The following SCML4 variants were observed in gnomAD, a reference collection of about 807,000 sequenced individuals.
SCML4 encodes the protein sex comb on midleg-like protein 4.
In SCML4, 34 loss-of-function variants were observed where a neutral mutation model predicts 41.1. That is an observed-to-expected ratio of 0.83 (90% CI 0.63 to 1.10). The LOEUF is 1.10. Among genes scored for constraint, SCML4 ranks in the 50% least tolerant of loss-of-function variants. The probability of loss-of-function intolerance (pLI) is 0.00; values close to 1 mark genes in which losing one functional copy is unlikely to be tolerated. For synonymous variants in SCML4, 214 were observed against 220.9 expected, an observed-to-expected ratio of 0.97 and a Z score of 0.28; for missense variants, 522 against 534.1, an observed-to-expected ratio of 0.98 and a Z score of 0.22.
At chr6:107,831,066 A>T in the SCML4 span, among the ~76,000 whole-genome samples, 2 of 152,186 alleles carry the variant, frequency 1.3e-5, no homozygotes, top group South Asian at 2.1e-4. Context: ...ACTTCAAATA[A>T]AGTAATGAAT....
chr6:107,835,365 A>C, the SCML4 span, among the ~76,000 whole-genome samples: 1 of 152,186 alleles, frequency 6.6e-6, no homozygotes, highest in Non-Finnish European at 1.5e-5. Context: ...TGTCTCAAAA[A>C]TAAATAAATA....
At chr6:107,806,899 C>T (rs956704308) in intron 1 of SCML4, among the ~76,000 whole-genome samples, 6 of 152,218 alleles carry the variant, frequency 3.9e-5, no homozygotes, top group African/African-American at 1.2e-4. Flanking sequence ...GGCCCCACCC[C>T]ATGAGAATGA....
At chr6:107,751,627 TTTCTTTCTTTCTTTCTTTC>T (rs1408425903) in intron 2 of SCML4, among the ~76,000 whole-genome samples, 64 of 149,046 alleles carry the variant, frequency 4.3e-4, no homozygotes, top group African/African-American at 1.5e-3. Context: ...TCTTTCTTTC[TTTCTTTCTTTCTTTCTTTC>T]TTTTTTGAGA....
chr6:107,791,276 G>C (rs1169821794), intron 1 of SCML4, among the ~76,000 whole-genome samples: 1 of 152,160 alleles, frequency 6.6e-6, no homozygotes, highest in East Asian at 1.9e-4. Context: ...GGACAGAAAA[G>C]AGAAGGGTCT....
intron 1 of SCML4, among the ~76,000 whole-genome samples, chr6:107,803,839 T>A (rs1783497875): frequency 6.6e-6 from 1 of 151,214 alleles, no homozygotes; most frequent in Non-Finnish European, 1.5e-5. Context: ...GTCAAACAGA[T>A]GCTTGAAGGC....
chr6:107,743,629 C>T (rs1264155902), intron 5 of SCML4, among the ~76,000 whole-genome samples: 1 of 152,158 alleles, frequency 6.6e-6, no homozygotes, highest in South Asian at 2.1e-4. Context: ...AATCTAGGCC[C>T]GGAGAGAGAT....
At chr6:107,828,125 G>A (rs952940878), upstream of SCML4, among the ~76,000 whole-genome samples, 1 of 152,120 alleles carries the variant, frequency 6.6e-6, no homozygotes, top group African/African-American at 2.4e-5. Flanking sequence ...TGAGACTTAG[G>A]GATGTTAAAT....
At chr6:107,761,392 G>A (rs920198882) in intron 2 of SCML4, among the ~76,000 whole-genome samples, 14 of 150,918 alleles carry the variant, frequency 9.3e-5, no homozygotes, top group African/African-American at 3.2e-4. Flanking sequence ...TAGAAAAGTA[G>A]TTGAATTCTC....
rs541179185 is a variant in SCML4, at chr6:107,765,462, G to A, written c.156+6710C>T. 1.4e-4 allele frequency among the ~76,000 whole-genome samples: 22 copies of A among 152,166 alleles called. No individual in the cohort carries two copies. The South Asian group carries it at 2.7e-3, about 19-fold the overall frequency. On this transcript the variant is annotated intron_variant, in intron 2 of 7. Transcript: ENST00000369020. ...AGAGGTTGCAGTGAGCTGAGATTGC[G>A]CCATTGCACTCCAGCCTGGGCAACA...
chr6:107,738,676 G>GA (rs1478443314), intron 5 of SCML4, among the ~76,000 whole-genome samples: 1 of 152,094 alleles, frequency 6.6e-6, no homozygotes, highest in African/African-American at 2.4e-5. Context: ...AGATGTGGAA[G>GA]AAGCCCTCCC....
intron 2 of SCML4, among the ~76,000 whole-genome samples, chr6:107,763,592 G>T (rs1393881029): frequency 6.6e-6 from 1 of 152,052 alleles, no homozygotes; most frequent in Non-Finnish European, 1.5e-5. Context: ...TCACCACATT[G>T]GCTAGGCTAG....
intron 6 of SCML4, chr6:107,720,236 G>A (rs1367431542): frequency 7.4e-6 from 5 of 674,048 alleles, no homozygotes; most frequent in Middle Eastern, 7.6e-4. Flanking sequence ...AGATGTGAGT[G>A]GAAGTGATGA....
rs532544157 is a variant in SCML4, at chr6:107,763,698, T to G, written c.156+8474A>C. ...CACTGCGCCTGGCCGGGATTAGTGT[T>G]CTTAAAAGAAGAGGAAGAGAGGCCA... On this transcript the variant is annotated intron_variant, in intron 2 of 7. Transcript: ENST00000369020. Among the ~76,000 whole-genome samples the G allele has an allele frequency of 1.7e-4, 26 of 152,294 alleles. 1 individual carries two copies. The East Asian group carries it at 4.8e-3, about 28-fold the overall frequency.
intron 2 of SCML4, among the ~76,000 whole-genome samples, chr6:107,751,643 T>TTTCTTTCC (rs1554211264): frequency 2.8e-4 from 41 of 144,454 alleles, no homozygotes; most frequent in African/African-American, 1.1e-3. Context: ...TCTTTCTTTC[T>TTTCTTTCC]TTCTTTTTTG....
rs1366661673 is a variant in SCML4, at chr6:107,704,083, T to A, written c.*1117A>T. 4 of 152,218 alleles carry A rather than the reference T, an allele frequency of 2.6e-5. No individual in the cohort carries two copies. Among genetic ancestry groups the A allele is most frequent in the African/African-American group, 9.7e-5 (4 of 41,450 alleles). 9.4% of individuals were successfully genotyped at this position (152,218 alleles called of 1,614,324 possible). On this transcript the variant is annotated 3_prime_UTR_variant, in exon 8 of 8. Transcript: ENST00000369020. ...CCACTGTGAGGAAGGAAAACCTATT[T>A]GTAAATTGAATTAAACCCCATAATA...
chr6:107,844,935 TAAA>T, the SCML4 span, among the ~76,000 whole-genome samples: 174 of 141,692 alleles, frequency 1.2e-3, 1 homozygote, highest in East Asian at 7.1e-3. Context: ...ATATGTATAT[TAAA>T]AAAAAAAAAA....
At chr6:107,831,899 C>T in the SCML4 span, among the ~76,000 whole-genome samples, 3 of 151,388 alleles carry the variant, frequency 2.0e-5, no homozygotes, top group African/African-American at 4.9e-5. Flanking sequence ...AAAAAATACA[C>T]ACACACACAC....
intron 5 of SCML4, among the ~76,000 whole-genome samples, chr6:107,741,857 C>T (rs1027447662): frequency 1.3e-5 from 2 of 152,204 alleles, no homozygotes; most frequent in African/African-American, 2.4e-5. Flanking sequence ...AATAAATATT[C>T]TTTCAATGCA....
intron 1 of SCML4, among the ~76,000 whole-genome samples, chr6:107,823,203 T>C (rs1381166149): frequency 6.6e-6 from 1 of 152,188 alleles, no homozygotes; most frequent in Admixed American, 6.5e-5. Context: ...ACTGATTGTC[T>C]AACCCTCATG....
Sources: gnomAD v4.1 joint callset for allele counts (sites outside exome capture counted in the v4.1 genomes callset) on GRCh38, gnomAD v4.1.1 for gene constraint, MANE v1.5 for transcripts, NCBI Gene and HGNC (gene_info 2026-07-23, HGNC 2026-07-21) for gene names.